The following SEPTIN14 variants were observed in gnomAD, a reference collection of about 807,000 sequenced individuals.
The protein encoded by SEPTIN14 is septin 14, also known as septin-14.
A neutral mutation model predicts 53.6 loss-of-function variants in SEPTIN14; 40 were observed. The observed-to-expected ratio is 0.75, with a 90% CI of 0.58 to 0.97. SEPTIN14 has a LOEUF of 0.97. Ranked by LOEUF, SEPTIN14 falls within the 50% of genes least tolerant of loss-of-function variation. The pLI, the probability that SEPTIN14 is intolerant of heterozygous loss-of-function variation, is 0.00. For synonymous variants in SEPTIN14, 138 were observed against 166.8 expected, an observed-to-expected ratio of 0.83 and a Z score of 1.33; for missense variants, 471 against 508.2, an observed-to-expected ratio of 0.93 and a Z score of 0.70.
At chr7:55,830,341 ATATATATATTT>A (rs1371485652) in intron 6 of SEPTIN14, among the ~76,000 whole-genome samples, 862 of 32,272 alleles carry the variant, frequency 0.027, 29 homozygotes, top group East Asian at 0.15. Context: ...ATATATATAT[ATATATATATTT>A]TTTTTTTTTT....
At chr7:55,857,894 TC>T (rs1789673133) in intron 2 of SEPTIN14, among the ~76,000 whole-genome samples, 1 of 152,202 alleles carries the variant, frequency 6.6e-6, no homozygotes. Context: ...GCCACCTGTG[TC>T]TTTTTTGTAG....
At chr7:55,854,765 A>C (rs1315193309) in intron 2 of SEPTIN14, among the ~76,000 whole-genome samples, 3 of 152,182 alleles carry the variant, frequency 2.0e-5, no homozygotes, top group African/African-American at 7.2e-5. Flanking sequence ...AGGCAAACAA[A>C]AAGCATAAAT....
At chr7:55,806,110 C>T (rs1490832997) in intron 8 of SEPTIN14, among the ~76,000 whole-genome samples, 2 of 152,132 alleles carry the variant, frequency 1.3e-5, no homozygotes, top group Non-Finnish European at 1.5e-5. Context: ...GATTCTCCTG[C>T]CTCAGCCTCC....
At chr7:55,828,156 A>G (rs1013940805) in intron 6 of SEPTIN14, among the ~76,000 whole-genome samples, 11 of 152,184 alleles carry the variant, frequency 7.2e-5, no homozygotes, top group South Asian at 4.1e-4. Flanking sequence ...AGGAAGTTCA[A>G]TGAGATCCAA....
chr7:55,839,414 T>C (rs1015582846), intron 5 of SEPTIN14, among the ~76,000 whole-genome samples: 9 of 150,852 alleles, frequency 6.0e-5, no homozygotes, highest in Non-Finnish European at 8.9e-5. Context: ...AAAAAAGATA[T>C]TTTGAGAGAC....
chr7:55,805,734 G>C (rs1456295152), intron 8 of SEPTIN14, among the ~76,000 whole-genome samples: 4 of 152,034 alleles, frequency 2.6e-5, no homozygotes, highest in Admixed American at 2.6e-4. Flanking sequence ...AAGAATACTA[G>C]AATTTTCCAA....
chr7:55,815,598 G>A (rs996877398), intron 7 of SEPTIN14, among the ~76,000 whole-genome samples: 1 of 151,860 alleles, frequency 6.6e-6, no homozygotes, highest in African/African-American at 2.4e-5. Context: ...ATGAAAAGGT[G>A]CTCAATATCA....
At chr7:55,801,710 A>AG (rs1425496973) in intron 9 of SEPTIN14, among the ~76,000 whole-genome samples, 2 of 151,856 alleles carry the variant, frequency 1.3e-5, no homozygotes, top group Admixed American at 6.6e-5. Flanking sequence ...ACTTGAACTC[A>AG]GGAGTTCGAG....
At chr7:55,819,824 A>C (rs925145280) in intron 6 of SEPTIN14, among the ~76,000 whole-genome samples, 5 of 152,102 alleles carry the variant, frequency 3.3e-5, no homozygotes, top group Non-Finnish European at 5.9e-5. Context: ...TTCTCACACT[A>C]TGTTTACCCT....
In SEPTIN14 at chr7:55,849,787, A is replaced by AAATT. The variant is rs537110802; in HGVS notation, c.55-3154_55-3151dup. On this transcript the variant is annotated intron_variant, in intron 2 of 9. Transcript: ENST00000388975. ...AACAAACAAAAAACACCCAAAACAC[A>AAATT]AATTGCTCATAGCAGAAGTGGGAGA... Among the ~76,000 whole-genome samples, 423 of 152,246 alleles carry AAATT rather than the reference A, an allele frequency of 2.8e-3. 5 individuals carry two copies. Among genetic ancestry groups the AAATT allele is most frequent in the Middle Eastern group, 0.01 (3 of 292 alleles).
rs1238969244 is a variant in SEPTIN14 at position 55,802,377 on chromosome 7, T to C, written c.1119+2881A>G. 3.3e-5 allele frequency among the ~76,000 whole-genome samples: 5 copies of C among 151,798 alleles called. No individual in the cohort carries two copies. In the East Asian group the frequency reaches 7.7e-4, roughly 23 times the overall value. The stretch of plus-strand genomic sequence containing the variant: ...ATACTACAGCCAGAAGAGGACACTA[T>C]GAGAAAAAAAAATTATAGGCCAACA... On this transcript the variant is annotated intron_variant, in intron 9 of 9. Transcript: ENST00000388975.
chr7:55,828,822 T>C (rs951932977), intron 6 of SEPTIN14, among the ~76,000 whole-genome samples: 5 of 152,074 alleles, frequency 3.3e-5, no homozygotes, highest in African/African-American at 1.2e-4. Context: ...CAAAATATTT[T>C]CAGGTATTTT....
chr7:55,846,065 G>GTATATATATATATATATATATATA lies in SEPTIN14; in HGVS notation c.175+428_175+451dup, dbSNP rs56306800. Among the ~76,000 whole-genome samples, 62 of 39,702 alleles carry GTATATATATATATATATATATATA rather than the reference G, an allele frequency of 1.6e-3. 2 individuals are homozygous for GTATATATATATATATATATATATA. The highest frequency in any genetic ancestry group is 2.5e-3 in the Non-Finnish European group (47 of 18,934). The allele number at this position is 39,702 out of a possible 152,430, so 26.0% of individuals were successfully genotyped here. A position where few individuals can be genotyped will look rare whatever the true frequency, so the allele number is the denominator to read the frequency against. On this transcript the variant is annotated intron_variant, in intron 3 of 9. Transcript: ENST00000388975. ...CTCCGTCTCAGAAAAAAAAAAAAAAGTATATATATATATATATATATATAT... is the reference window on the plus strand; with the variant it reads ...CTCCGTCTCAGAAAAAAAAAAAAAAGTATATATATATATATATATATATATATATATATATATATATATATATAT...
intron 2 of SEPTIN14, among the ~76,000 whole-genome samples, chr7:55,856,796 G>T (rs111370819): frequency 2.1e-4 from 32 of 152,262 alleles, no homozygotes; most frequent in African/African-American, 7.7e-4. Context: ...GTGCAGGCCA[G>T]GTGTGGTGGC....
Position 55,846,065 on chromosome 7 carries a change from GTATATA to G in SEPTIN14, c.175+446_175+451del, listed in dbSNP as rs56306800. Among the ~76,000 whole-genome samples, 305 of 39,746 alleles carry G rather than the reference GTATATA, an allele frequency of 7.7e-3. 19 individuals are homozygous for G. Among genetic ancestry groups the G allele is most frequent in the African/African-American group, 0.016 (215 of 13,706 alleles). 26.1% of individuals were successfully genotyped at this position (39,746 alleles called of 152,430 possible). ...CTCCGTCTCAGAAAAAAAAAAAAAA[GTATATA>G]TATATATATATATATATATATGTAT... On this transcript the variant is annotated intron_variant, in intron 3 of 9. Transcript: ENST00000388975.
chr7:55,843,999 GGTGGCAT>G (rs1308502638), intron 4 of SEPTIN14, among the ~76,000 whole-genome samples: 1 of 152,262 alleles, frequency 6.6e-6, no homozygotes, highest in Non-Finnish European at 1.5e-5. Context: ...AGCCAGGCAT[GGTGGCAT>G]GTGCCTGTAG....
At chr7:55,819,104 A>T in intron 7 of SEPTIN14, 23 bp downstream of exon 7, 1 of 1,360,030 alleles carries the variant, frequency 7.4e-7, no homozygotes, top group South Asian at 1.2e-5. Context: ...ATCATTCCAA[A>T]GCCTGCCCTC....
At chr7:55,854,596 A>T (rs911777998) in intron 2 of SEPTIN14, among the ~76,000 whole-genome samples, 3 of 151,896 alleles carry the variant, frequency 2.0e-5, no homozygotes, top group Admixed American at 1.3e-4. Flanking sequence ...CGCCCGGCTA[A>T]TTTTTTGTAT....
At chr7:55,862,197 T>C (rs1247789540) in intron 1 of SEPTIN14, among the ~76,000 whole-genome samples, 186 bp from the exon 2 acceptor site, 1 of 152,184 alleles carries the variant, frequency 6.6e-6, no homozygotes. Context: ...ATGAATAATA[T>C]GTAATATTCA....
Sources: gnomAD v4.1 joint callset for allele counts (sites outside exome capture counted in the v4.1 genomes callset) on GRCh38, gnomAD v4.1.1 for gene constraint, MANE v1.5 for transcripts, NCBI Gene and HGNC (gene_info 2026-07-23, HGNC 2026-07-21) for gene names.